Variants in FAM151B observed in about 807,000 individuals in gnomAD.
FAM151B encodes the protein family with sequence similarity 151 member B.
In FAM151B, 24 loss-of-function variants were observed where a neutral mutation model predicts 31.2. That is an observed-to-expected ratio of 0.77 (90% CI 0.56 to 1.08). FAM151B has a LOEUF of 1.08. FAM151B is among the 50% of genes least tolerant of loss of function. FAM151B has a pLI of 0.00. For missense variants in FAM151B, 293 were observed against 328.6 expected (o/e 0.89, Z 0.84); for synonymous variants, 105 against 111.4 (o/e 0.94, Z 0.36).
chr5:80,541,540 C>T, intron 5 of FAM151B, 133 bp from the exon 6 acceptor site: 1 of 776,954 alleles, frequency 1.3e-6, no homozygotes, highest in South Asian at 1.6e-5. Context: ...AGTACAGTTA[C>T]ACCATTGCTG....
At chr5:80,533,155 A>G (rs1580455599) in intron 5 of FAM151B, among the ~76,000 whole-genome samples, 1 of 151,238 alleles carries the variant, frequency 6.6e-6, no homozygotes, top group East Asian at 2.0e-4. Context: ...ACGCGGGTGG[A>G]TCACGAGGTC....
intron 5 of FAM151B, among the ~76,000 whole-genome samples, chr5:80,532,334 G>A (rs1483048154): frequency 6.6e-6 from 1 of 152,022 alleles, no homozygotes; most frequent in Non-Finnish European, 1.5e-5. Flanking sequence ...TAACCTGCAT[G>A]TTGTGCACAT....
intron 1 of FAM151B, among the ~76,000 whole-genome samples, chr5:80,488,434 A>G (rs1743193581): frequency 6.6e-6 from 1 of 152,158 alleles, no homozygotes; most frequent in Non-Finnish European, 1.5e-5. Context: ...AAAGAAAGGA[A>G]TGTGACGTTT....
chr5:80,501,846 C>T lies in FAM151B; in HGVS notation c.80C>T (p.Ala27Val), dbSNP rs543693575. 4 of 1,603,816 alleles carry T rather than the reference C, an allele frequency of 2.5e-6. No individual in the cohort carries two copies. Among genetic ancestry groups the T allele is most frequent in the Non-Finnish European group, 3.4e-6 (4 of 1,173,646 alleles). ...TTTCTGAGAAATAGCCAGATTACAG[C>T]AGAAGACGGTGCTGAGATCACCTGG... is the stretch of plus-strand genomic sequence containing the variant. ...EYFLRNSQIT[A>V]EDGAEITWYH... Residue 27 changes from alanine (A) to valine (V), a missense_variant, in exon 2 of 6, where the codon GCA becomes GTA. Physicochemically the swap from Ala to Val is moderately conservative, Grantham distance 64. Transcript: ENST00000282226.
intron 5 of FAM151B, among the ~76,000 whole-genome samples, chr5:80,532,448 G>C (rs1008250488): frequency 6.6e-6 from 1 of 152,120 alleles, no homozygotes; most frequent in African/African-American, 2.4e-5. Flanking sequence ...TTCAGCAAGA[G>C]GATATAACAA....
chr5:80,515,483 T>C (rs748548620), intron 3 of FAM151B, among the ~76,000 whole-genome samples: 1 of 152,162 alleles, frequency 6.6e-6, no homozygotes, highest in Non-Finnish European at 1.5e-5. Context: ...CTTAAACTTT[T>C]AGATCTCCTT....
intron 5 of FAM151B, among the ~76,000 whole-genome samples, chr5:80,533,509 T>A (rs1393308676): frequency 1.3e-5 from 2 of 152,064 alleles, no homozygotes; most frequent in Non-Finnish European, 2.9e-5. Context: ...TCCCAGCACT[T>A]TGGGAGGCCA....
At chr5:80,513,262 C>T (rs146663236) in intron 2 of FAM151B, among the ~76,000 whole-genome samples, 377 of 152,252 alleles carry the variant, frequency 2.5e-3, no homozygotes, top group Admixed American at 4.1e-3. Context: ...GATAAAAGTA[C>T]GATTTTTATT....
At chr5:80,491,638 C>T (rs1247589521) in intron 1 of FAM151B, among the ~76,000 whole-genome samples, 1 of 152,190 alleles carries the variant, frequency 6.6e-6, no homozygotes, top group Non-Finnish European at 1.5e-5. Flanking sequence ...ATTGCCCTGG[C>T]TGCATCCCTA....
rs112242239 is a variant in FAM151B at position 80,501,676 on chromosome 5, A to C, written c.26-116A>C. On this transcript the variant is annotated intron_variant, in intron 1 of 5. Transcript: ENST00000282226. ...TTTTACTATCTATCTATCTATCTAT[A>C]TATATATATCACATAACAGCATATG... 3.8e-3 allele frequency: 2,449 copies of C among 645,010 alleles called. 17 individuals carry two copies. The highest frequency in any genetic ancestry group is 2.8e-3 in the African/African-American group (149 of 53,912). 40.0% of individuals were successfully genotyped at this position (645,010 alleles called of 1,614,324 possible).
chr5:80,502,616 T>G (rs1446021410), intron 2 of FAM151B, among the ~76,000 whole-genome samples: 6 of 152,182 alleles, frequency 3.9e-5, no homozygotes, highest in African/African-American at 1.2e-4. Context: ...AGCCTTTTCC[T>G]ATAAAGTGCT....
chr5:80,533,221 C>T (rs1360757484), intron 5 of FAM151B, among the ~76,000 whole-genome samples: 1 of 151,386 alleles, frequency 6.6e-6, no homozygotes, highest in African/African-American at 2.4e-5. Context: ...ACTAAAAATA[C>T]AAAAAAATAG....
At chr5:80,508,030 C>G (rs979658440) in intron 2 of FAM151B, among the ~76,000 whole-genome samples, 5 of 152,226 alleles carry the variant, frequency 3.3e-5, no homozygotes, top group Non-Finnish European at 5.9e-5. Flanking sequence ...GAAGCACCTT[C>G]CTATGTGGCC....
intron 3 of FAM151B, among the ~76,000 whole-genome samples, chr5:80,517,124 C>T (rs932001569): frequency 5.3e-5 from 8 of 152,048 alleles, no homozygotes; most frequent in South Asian, 4.1e-4. Flanking sequence ...AGGGTGAGTA[C>T]GGTACAGTAT....
chr5:80,496,814 T>C (rs2112599646), intron 1 of FAM151B, among the ~76,000 whole-genome samples: 1 of 133,388 alleles, frequency 7.5e-6, no homozygotes, highest in South Asian at 2.7e-4. Flanking sequence ...TTTTTTTTTT[T>C]TTTTTTTTTT....
At chr5:80,527,143 C>T (rs994552909) in intron 5 of FAM151B, among the ~76,000 whole-genome samples, 6 of 152,116 alleles carry the variant, frequency 3.9e-5, no homozygotes, top group Non-Finnish European at 7.4e-5. Flanking sequence ...ATTAGGTCAT[C>T]CAGGCACAGT....
At chr5:80,500,583 C>T in intron 1 of FAM151B, 1 of 756,734 alleles carries the variant, frequency 1.3e-6, no homozygotes, top group South Asian at 1.4e-5. Context: ...TGTGTACCTG[C>T]AGAACCCAAA....
chr5:80,501,792 G>A lies in FAM151B; in HGVS notation c.26G>A (p.Gly9Glu). The A allele has an allele frequency of 6.3e-7, 1 of 1,590,412 alleles. No homozygotes were observed. Among genetic ancestry groups the A allele is most frequent in the South Asian group, 1.1e-5 (1 of 87,218 alleles). ...TTTCATGTAAACACTGTTATTTTAG[G>A]ATCTTGGAGTGAAAATATACTGGAA... MAASAGGP[G>E]SWSENILEYF... Residue 9 changes from glycine to glutamate, a missense_variant and splice_region_variant, in exon 2 of 6, where the codon GGA becomes GAA. Gly to Glu is a moderately conservative substitution (Grantham distance 98, BLOSUM62 -2). Transcript: ENST00000282226.
Position 80,519,680 on chromosome 5 carries a change from A to C in FAM151B, c.318-13A>C, listed in dbSNP as rs909633371. On this transcript the variant is annotated splice_polypyrimidine_tract_variant and intron_variant, in intron 3 of 5. Coordinates refer to ENST00000282226, the MANE Select transcript of FAM151B (RefSeq NM_205548.3). Reference sequence around the variant, plus strand: ...AAAGAATCTATCTCATTGACAACAAATTATGTTTTTAGTCTGGCAGTTGTA... The same window carrying C: ...AAAGAATCTATCTCATTGACAACAACTTATGTTTTTAGTCTGGCAGTTGTA... 1 of 1,609,914 alleles carries C rather than the reference A, an allele frequency of 6.2e-7. No homozygotes were observed.
Sources: allele counts gnomAD v4.1 joint callset (sites outside exome capture counted in the v4.1 genomes callset), GRCh38; gene constraint gnomAD v4.1.1; transcripts MANE v1.5; gene names NCBI Gene and HGNC (gene_info 2026-07-23, HGNC 2026-07-21).